MRPS31: variants seen among roughly 807,000 people sequenced by gnomAD.
MRPS31 encodes small ribosomal subunit protein mS31.
A neutral mutation model predicts 43.1 loss-of-function variants in MRPS31; 32 were observed. The ratio of observed to expected loss-of-function variants is 0.74; its 90% CI spans 0.56 to 1.00. The LOEUF (loss-of-function observed/expected upper bound fraction) is 1.00, where lower values mean the gene tolerates loss of function less well. MRPS31 is among the 50% of genes least tolerant of loss of function. The probability of loss-of-function intolerance (pLI) is 0.00; values close to 1 mark genes in which losing one functional copy is unlikely to be tolerated. For missense variants in MRPS31, 437 were observed against 466.7 expected (o/e 0.94, Z 0.59); for synonymous variants, 165 against 161.6 (o/e 1.02, Z -0.16).
In MRPS31 at chr13:40,766,616, T is replaced by C. The variant is rs540306269; in HGVS notation, c.440+130A>G. The C allele has an allele frequency of 2.7e-4, 260 of 954,386 alleles. 1 individual carries two copies. In the African/African-American group the frequency reaches 3.9e-3, roughly 14 times the overall value. 59.1% of individuals were successfully genotyped at this position (954,386 alleles called of 1,614,324 possible). A position where few individuals can be genotyped will look rare whatever the true frequency, so the allele number is the denominator to read the frequency against. On this transcript the variant is annotated intron_variant, in intron 2 of 6. Transcript: ENST00000323563. ...AGCCTCGAGTAATTATTAGAGTCCC[T>C]GTGTTTACAAGCTGATATTTATTCT...
chr13:40,747,648 C>T (rs1386398557), intron 6 of MRPS31, among the ~76,000 whole-genome samples: 7 of 152,136 alleles, frequency 4.6e-5, no homozygotes, highest in Non-Finnish European at 4.4e-5. Context: ...GAGGCCAAGG[C>T]GGGTGGATCA....
chr13:40,742,383 G>A (rs1321489781), intron 6 of MRPS31, among the ~76,000 whole-genome samples: 1 of 152,184 alleles, frequency 6.6e-6, no homozygotes, highest in Non-Finnish European at 1.5e-5. Flanking sequence ...GAAGGCCATA[G>A]TAGAGCACTG....
At chr13:40,738,567 G>T (rs1879990553) in intron 6 of MRPS31, among the ~76,000 whole-genome samples, 1 of 152,000 alleles carries the variant, frequency 6.6e-6, no homozygotes, top group Admixed American at 6.6e-5. Flanking sequence ...GAATCCAGCA[G>T]CACATCAAAA....
At chr13:40,731,504 C>G (rs546307412) in intron 6 of MRPS31, among the ~76,000 whole-genome samples, 16 of 151,440 alleles carry the variant, frequency 1.1e-4, no homozygotes, top group Middle Eastern at 3.4e-3. Flanking sequence ...ACTGCTTGAA[C>G]CTGGCAGGCA....
intron 6 of MRPS31, among the ~76,000 whole-genome samples, chr13:40,739,376 C>T (rs545648320): frequency 2.6e-5 from 4 of 152,208 alleles, no homozygotes; most frequent in African/African-American, 9.6e-5. Flanking sequence ...AGGTAATTTA[C>T]AGATTCAATG....
intron 6 of MRPS31, among the ~76,000 whole-genome samples, chr13:40,741,352 G>A (rs545577284): frequency 2.0e-5 from 3 of 152,230 alleles, no homozygotes; most frequent in African/African-American, 2.4e-5. Context: ...TCCAACACAT[G>A]TAAGAGTTTA....
chr13:40,763,743 T>C (rs1252631541), intron 2 of MRPS31, among the ~76,000 whole-genome samples: 1 of 152,212 alleles, frequency 6.6e-6, no homozygotes, highest in Non-Finnish European at 1.5e-5. Context: ...TGTGACTGCC[T>C]TGATGAACAG....
chr13:40,757,758 T>TA (rs1566110305), intron 3 of MRPS31, among the ~76,000 whole-genome samples: 2 of 150,008 alleles, frequency 1.3e-5, no homozygotes, highest in East Asian at 3.9e-4. Context: ...TTTTTTTTTT[T>TA]TAATTACAGT....
chr13:40,744,641 G>A (rs906615777), intron 6 of MRPS31, among the ~76,000 whole-genome samples: 2 of 151,540 alleles, frequency 1.3e-5, no homozygotes, highest in African/African-American at 2.4e-5. Context: ...TGCCTCCCAG[G>A]TTCAAGCAAT....
At chr13:40,758,303 CT>C (rs1438313985) in intron 3 of MRPS31, among the ~76,000 whole-genome samples, 1 of 152,166 alleles carries the variant, frequency 6.6e-6, no homozygotes, top group Admixed American at 6.5e-5. Context: ...AAGTGTTCCT[CT>C]TGTCTTAGCC....
rs570551222 is a variant in MRPS31, at chr13:40,729,265, C to T, written c.*107G>A. 1 of 625,768 alleles carries T rather than the reference C, an allele frequency of 1.6e-6. No homozygotes were observed. Among genetic ancestry groups the T allele is most frequent in the East Asian group, 2.8e-5 (1 of 35,264 alleles). The allele number at this position is 625,768 out of a possible 1,614,324, so 38.8% of individuals were successfully genotyped here. On this transcript the variant is annotated 3_prime_UTR_variant, in exon 7 of 7. Coordinates refer to ENST00000323563, the MANE Select transcript of MRPS31 (RefSeq NM_005830.4). Reference sequence around the variant, plus strand: ...GAAAACAATGTAACATTTATACCAGCCAAATCAAATGTAATAATCAACATA... The same window carrying T: ...GAAAACAATGTAACATTTATACCAGTCAAATCAAATGTAATAATCAACATA...
chr13:40,750,656 G>C (rs1339449545), intron 5 of MRPS31, among the ~76,000 whole-genome samples: 1 of 146,940 alleles, frequency 6.8e-6, no homozygotes, highest in South Asian at 2.2e-4. Flanking sequence ...ATTTTTTTCT[G>C]GGTGATATCA....
Position 40,771,141 on chromosome 13 carries a change from G to C in MRPS31, c.-5C>G, listed in dbSNP as rs190779700. The C allele has an allele frequency of 3.1e-6, 5 of 1,597,056 alleles. No homozygotes were observed. The African/African-American group carries it at 5.4e-5, about 17-fold the overall frequency. ...CGTCGAGACTCTAGGAAACATCGCC[G>C]AGACACGAAATGAACCAAGAACACA... On this transcript the variant is annotated 5_prime_UTR_variant, in exon 1 of 7. Transcript: ENST00000323563.
intron 3 of MRPS31, 109 bp from the exon 4 acceptor site, chr13:40,757,122 C>T: frequency 2.7e-6 from 2 of 753,058 alleles, no homozygotes; most frequent in East Asian, 2.8e-5. Flanking sequence ...CATTTTTATG[C>T]ACTAATTACA....
At chr13:40,744,479 C>T (rs1566106646) in intron 6 of MRPS31, among the ~76,000 whole-genome samples, 1 of 152,094 alleles carries the variant, frequency 6.6e-6, no homozygotes, top group Non-Finnish European at 1.5e-5. Context: ...TTCCAATTCC[C>T]TAACAACATA....
chr13:40,738,951 T>C (rs9549276), intron 6 of MRPS31, among the ~76,000 whole-genome samples: 1 of 151,840 alleles, frequency 6.6e-6, no homozygotes, highest in Non-Finnish European at 1.5e-5. Flanking sequence ...AATTAGGCAG[T>C]AGAAAGAAAT....
intron 6 of MRPS31, among the ~76,000 whole-genome samples, chr13:40,738,281 T>C (rs1389299432): frequency 6.6e-6 from 1 of 152,022 alleles, no homozygotes; most frequent in Non-Finnish European, 1.5e-5. Context: ...GGATCTGAAA[T>C]TGTGGCAATG....
intron 2 of MRPS31, among the ~76,000 whole-genome samples, chr13:40,760,183 C>G (rs556279507): frequency 3.4e-5 from 5 of 148,760 alleles, no homozygotes; most frequent in African/African-American, 1.2e-4. Context: ...ATATCAAGTT[C>G]CAGAACAGGG....
intron 2 of MRPS31, among the ~76,000 whole-genome samples, chr13:40,762,441 C>T (rs141623595): frequency 6.9e-6 from 1 of 145,212 alleles, no homozygotes; most frequent in African/African-American, 2.6e-5. Context: ...TAGCACCTCT[C>T]CAGCCCCCTC....
Sources: gnomAD v4.1 joint callset for allele counts (sites outside exome capture counted in the v4.1 genomes callset) on GRCh38, gnomAD v4.1.1 for gene constraint, MANE v1.5 for transcripts, NCBI Gene and HGNC (gene_info 2026-07-23, HGNC 2026-07-21) for gene names.